ZNF442: variants seen among roughly 807,000 people sequenced by gnomAD.
ZNF442 encodes zinc finger protein 442.
In ZNF442, 45 loss-of-function variants were observed where a neutral mutation model predicts 57.0. That is an observed-to-expected ratio of 0.79 (90% CI 0.62 to 1.01). The LOEUF (loss-of-function observed/expected upper bound fraction) is 1.01, where lower values mean the gene tolerates loss of function less well. Ranked by LOEUF, ZNF442 falls within the 50% of genes least tolerant of loss-of-function variation. ZNF442 has a pLI of 0.00. For missense variants in ZNF442, 690 were observed against 756.5 expected (o/e 0.91, Z 1.03); for synonymous variants, 213 against 241.8 (o/e 0.88, Z 1.10).
upstream of ZNF442, among the ~76,000 whole-genome samples, chr19:12,367,733 A>G (rs113851817): frequency 6.6e-6 from 1 of 152,068 alleles, no homozygotes; most frequent in Non-Finnish European, 1.5e-5. Context: ...CAGTGGCACA[A>G]TCTCGGCTCA....
chr19:12,352,945 A>C, intron 4 of ZNF442, 43 bp downstream of exon 4: 2 of 1,582,076 alleles, frequency 1.3e-6, no homozygotes, highest in Non-Finnish European at 1.7e-6. Flanking sequence ...CCAAGAAAAA[A>C]ATGTCTCTAA....
chr19:12,364,134 C>T (rs1969490596), intron 2 of ZNF442, among the ~76,000 whole-genome samples: 1 of 151,970 alleles, frequency 6.6e-6, no homozygotes, highest in South Asian at 2.1e-4. Flanking sequence ...CGGCCGGGCG[C>T]GGTGGTCACG....
Position 12,349,912 on chromosome 19 carries a change from C to A in ZNF442, c.1673G>T (p.Cys558Phe), listed in dbSNP as rs771124443. Reference sequence around the variant, plus strand: ...GTGAATTCTTTCATGTCGCAGAAGGCAAGTGAGCCAAGAGAATGCTTTCCT... The same window carrying A: ...GTGAATTCTTTCATGTCGCAGAAGGAAAGTGAGCCAAGAGAATGCTTTCCT... Reference protein sequence around the residue: ...ECRKAFSWLTCLLRHERIHTG... With the variant: ...ECRKAFSWLTFLLRHERIHTG... Residue 558 changes from cysteine (C) to phenylalanine (F), a missense_variant, in exon 6 of 6, where the codon TGC becomes TTC. By Grantham distance (205) the Cys-to-Phe change is radical (BLOSUM62 -2). Transcript: ENST00000242804. 1 of 1,614,060 alleles carries A rather than the reference C, an allele frequency of 6.2e-7. No homozygotes were observed. The highest frequency in any genetic ancestry group is 1.7e-5 in the Admixed American group (1 of 60,010).
chr19:12,371,570 C>T, the ZNF442 span, among the ~76,000 whole-genome samples: 2 of 152,004 alleles, frequency 1.3e-5, no homozygotes, highest in Admixed American at 6.6e-5. Context: ...ACAAAAGCTT[C>T]CAGACAAAAA....
chr19:12,360,562 TATTA>T lies in ZNF442; in HGVS notation c.78+2988_78+2991del, dbSNP rs149276438. Reference sequence around the variant, plus strand: ...TTGGTTTAGTTAGCATTTATTTATTTATTAGTTAGTTTAGTTAGTATATATTTAT... The same window carrying T: ...TTGGTTTAGTTAGCATTTATTTATTTGTTAGTTTAGTTAGTATATATTTAT... On this transcript the variant is annotated intron_variant, in intron 3 of 5. Transcript: ENST00000242804. Among the ~76,000 whole-genome samples, 532 of 152,322 alleles carry T rather than the reference TATTA, an allele frequency of 3.5e-3. 20 individuals carry two copies. The East Asian group carries it at 0.097, about 28-fold the overall frequency.
In ZNF442 at chr19:12,349,526, T is replaced by C; in HGVS notation, c.*175A>G. Reference sequence around the variant, plus strand: ...ATAAAAGGAACACAGCATCTGTGGATTTAGGTATGCTTAGGGGGTCTGGAA... The same window carrying C: ...ATAAAAGGAACACAGCATCTGTGGACTTAGGTATGCTTAGGGGGTCTGGAA... On this transcript the variant is annotated 3_prime_UTR_variant, in exon 6 of 6. Transcript: ENST00000242804. 3.6e-6 allele frequency: 2 copies of C among 553,410 alleles called. No homozygotes were observed. Among genetic ancestry groups the C allele is most frequent in the Non-Finnish European group, 6.1e-6 (2 of 327,952 alleles). 34.3% of individuals were successfully genotyped at this position (553,410 alleles called of 1,614,324 possible).
the ZNF442 span, among the ~76,000 whole-genome samples, chr19:12,372,467 A>C: frequency 6.6e-6 from 1 of 152,142 alleles, no homozygotes; most frequent in African/African-American, 2.4e-5. Flanking sequence ...CTCCAAAAAA[A>C]AAAAGAGAAA....
chr19:12,365,505 C>T (rs541791865), intron 1 of ZNF442, 28 bp downstream of exon 1: 3 of 558,440 alleles, frequency 5.4e-6, no homozygotes, highest in East Asian at 6.2e-5. Context: ...TTCGCCCTGC[C>T]CCAGGACGCC....
intron 2 of ZNF442, among the ~76,000 whole-genome samples, chr19:12,364,184 T>C (rs770324240): frequency 6.6e-6 from 1 of 151,980 alleles, no homozygotes; most frequent in Admixed American, 6.6e-5. Context: ...GGCGGGCGGA[T>C]CACCTGAGGT....
Position 12,351,156 on chromosome 19 carries a change from A to T in ZNF442, c.429T>A (p.Asp143Glu). ...GCTTCTCTCCATATTCCTGACACTC[A>T]TCTGGTTTGTGTCCAGCATCAAATG... Reference protein sequence around the residue: ...YITFDAGHKPDECQEYGEKPH... With the variant: ...YITFDAGHKPEECQEYGEKPH... The change falls in exon 6 of 6, where the codon GAT becomes GAA. Residue 143 changes from aspartate (D) to glutamate (E), a missense_variant. Physicochemically the swap from Asp to Glu is conservative, Grantham distance 45. Coordinates refer to ENST00000242804, the MANE Select transcript of ZNF442 (RefSeq NM_030824.3). 6.2e-7 allele frequency: 1 copy of T among 1,614,096 alleles called. No individual in the cohort carries two copies. The highest frequency in any genetic ancestry group is 8.5e-7 in the Non-Finnish European group (1 of 1,180,010).
At chr19:12,369,308 C>T (rs1969562265), upstream of ZNF442, among the ~76,000 whole-genome samples, 1 of 152,210 alleles carries the variant, frequency 6.6e-6, no homozygotes, top group Non-Finnish European at 1.5e-5. Flanking sequence ...ATAAACATGT[C>T]TCTTTATACC....
chr19:12,352,323 T>C (rs1969254166), intron 4 of ZNF442, among the ~76,000 whole-genome samples: 1 of 152,272 alleles, frequency 6.6e-6, no homozygotes, highest in East Asian at 1.9e-4. Flanking sequence ...GTTCAAGCCA[T>C]TCTCCTGCCT....
At chr19:12,366,684 G>A (rs1969535284), upstream of ZNF442, among the ~76,000 whole-genome samples, 1 of 152,090 alleles carries the variant, frequency 6.6e-6, no homozygotes. Context: ...AGGACAGACT[G>A]TAGTGGCTCA....
rs973196916 is a variant in ZNF442 at position 12,349,370 on chromosome 19, T to A, written c.*331A>T. On this transcript the variant is annotated 3_prime_UTR_variant, in exon 6 of 6. Transcript: ENST00000242804. ...CTGTTTACATAGCTTTTACAACACA[T>A]GAGGTATTTTAGTAACCTACTTTTT... 4.0e-5 allele frequency: 8 copies of A among 199,450 alleles called. No individual in the cohort carries two copies. The highest frequency in any genetic ancestry group is 2.0e-3 in the Middle Eastern group (1 of 488). 12.4% of individuals were successfully genotyped at this position (199,450 alleles called of 1,614,324 possible).
Position 12,346,638 on chromosome 19 carries a change from A to C in ZNF442, c.*3063T>G, listed in dbSNP as rs1480279473. On this transcript the variant is annotated 3_prime_UTR_variant, in exon 6 of 6. Transcript: ENST00000242804. Reference sequence around the variant, plus strand: ...AGCAGGGACTCACACAGACATAGACATACCACATCCACAGCAGCCTTATTG... The same window carrying C: ...AGCAGGGACTCACACAGACATAGACCTACCACATCCACAGCAGCCTTATTG... 1 of 152,234 alleles carries C rather than the reference A, an allele frequency of 6.6e-6. No individual in the cohort carries two copies. Among genetic ancestry groups the C allele is most frequent in the Non-Finnish European group, 1.5e-5 (1 of 68,032 alleles). 9.4% of individuals were successfully genotyped at this position (152,234 alleles called of 1,614,324 possible). A position where few individuals can be genotyped will look rare whatever the true frequency, so the allele number is the denominator to read the frequency against.
chr19:12,351,109 C>G lies in ZNF442; in HGVS notation c.476G>C (p.Gly159Ala), dbSNP rs1411174175. The change falls in exon 6 of 6, where the codon GGG becomes GCG. Residue 159 changes from glycine (G) to alanine (A), a missense_variant. By Grantham distance (60) the Gly-to-Ala change is moderately conservative (BLOSUM62 0). Transcript: ENST00000242804. ...GEKPHTHKQC[G>A]TAFNYHHSFQ... is the part of the protein sequence containing the mutation. ...GGAGTGGTGATAATTGAAGGCTGTC[C>G]CACATTGTTTATGTGTATGTGGCTT... 2 of 1,614,078 alleles carry G rather than the reference C, an allele frequency of 1.2e-6. No individual in the cohort carries two copies. Among genetic ancestry groups the G allele is most frequent in the East Asian group, 2.2e-5 (1 of 44,872 alleles).
rs1421950586 is a variant in ZNF442, at chr19:12,351,019, G to A, written c.566C>T (p.Thr189Ile). ...TCGAAGGTTTCCCGAAGAACTGAAGGTTTTCCCACATTCCTTACAATCATA... is the reference window on the plus strand; with the variant it reads ...TCGAAGGTTTCCCGAAGAACTGAAGATTTTCCCACATTCCTTACAATCATA... ...KRYDCKECGKTFSSSGNLRRH... is the reference protein window; with the variant it reads ...KRYDCKECGKIFSSSGNLRRH... Residue 189 changes from threonine to isoleucine, a missense_variant, in exon 6 of 6, where the codon ACC becomes ATC. Physicochemically the swap from Thr to Ile is moderately conservative, Grantham distance 89. Coordinates refer to ENST00000242804, the MANE Select transcript of ZNF442 (RefSeq NM_030824.3). 2 of 1,613,984 alleles carry A rather than the reference G, an allele frequency of 1.2e-6. No homozygotes were observed. The highest frequency in any genetic ancestry group is 3.3e-5 in the Admixed American group (2 of 60,010).
At chr19:12,358,828 G>T (rs1027796024) in intron 3 of ZNF442, among the ~76,000 whole-genome samples, 112 of 152,094 alleles carry the variant, frequency 7.4e-4, no homozygotes, top group African/African-American at 2.6e-3. Context: ...ACAAGTTGAG[G>T]GTTGAATGTC....
At chr19:12,359,583 C>G (rs766426912) in intron 3 of ZNF442, among the ~76,000 whole-genome samples, 2 of 152,082 alleles carry the variant, frequency 1.3e-5, no homozygotes, top group Non-Finnish European at 2.9e-5. Flanking sequence ...GCTCCAGGAC[C>G]GTGAACTTTG....
Sources: allele counts gnomAD v4.1 joint callset (sites outside exome capture counted in the v4.1 genomes callset), GRCh38; gene constraint gnomAD v4.1.1; transcripts MANE v1.5; gene names NCBI Gene and HGNC (gene_info 2026-07-23, HGNC 2026-07-21).